The following TMEM184B variants were observed in gnomAD, a reference collection of about 807,000 sequenced individuals.
TMEM184B encodes transmembrane protein 184B, also known as putative MAPK-activating protein FM08.
TMEM184B carries 17 observed loss-of-function variants against 41.8 expected under a neutral mutation model. That is an observed-to-expected ratio of 0.41 (90% CI 0.28 to 0.61). The LOEUF is 0.61. Ranked by LOEUF, TMEM184B falls within the 20% of genes least tolerant of loss-of-function variation. The pLI is 0.34. For missense variants in TMEM184B, 393 were observed against 557.8 expected, an observed-to-expected ratio of 0.70 and a Z score of 2.98; for synonymous variants, 240 against 229.5, an observed-to-expected ratio of 1.05 and a Z score of -0.41.
chr22:38,234,283 G>A (rs537602494), intron 3 of TMEM184B, among the ~76,000 whole-genome samples: 1 of 152,250 alleles, frequency 6.6e-6, no homozygotes, highest in South Asian at 2.1e-4. Flanking sequence ...CCATGCAGCG[G>A]GGAAGCACGA....
At position 38,253,626 on chromosome 22, in the gene TMEM184B, T is replaced by C. The variant is rs149485411; in HGVS notation, c.-58-5607A>G. ...ACCTTAACATAAACCCTTACACATA[T>C]ACAAAAATTAATTCAAAATAAATCA... On this transcript the variant is annotated intron_variant, in intron 1 of 8. Transcript: ENST00000361906. 6.6e-3 allele frequency among the ~76,000 whole-genome samples: 1,002 copies of C among 152,172 alleles called. 13 individuals carry two copies. The highest frequency in any genetic ancestry group is 0.023 in the African/African-American group (958 of 41,502).
At chr22:38,237,262 C>A (rs1365052828) in intron 3 of TMEM184B, among the ~76,000 whole-genome samples, 1 of 152,232 alleles carries the variant, frequency 6.6e-6, no homozygotes, top group Non-Finnish European at 1.5e-5. Context: ...AAGACACTTA[C>A]CCCAAGAGCC....
intron 8 of TMEM184B, chr22:38,223,860 A>C (rs2091339507): frequency 6.6e-6 from 1 of 152,460 alleles, no homozygotes; most frequent in Non-Finnish European, 1.5e-5. Context: ...GGGCAGCAGC[A>C]CTTTCACATC....
intron 5 of TMEM184B, among the ~76,000 whole-genome samples, chr22:38,230,325 GC>G (rs1445857075): frequency 1.3e-5 from 2 of 152,240 alleles, no homozygotes; most frequent in Non-Finnish European, 2.9e-5. Context: ...AAACCCTCCT[GC>G]CCCCTAGCTG....
In TMEM184B at chr22:38,224,869, AGAT is replaced by A; in HGVS notation, c.895_897del (p.Ile299del). On this transcript the variant is annotated inframe_deletion, in exon 8 of 9. Coordinates refer to ENST00000361906, the MANE Select transcript of TMEM184B (RefSeq NM_012264.5). ...AGGGCTGCAAAGAACATCTCCACAC[AGAT>A]GATGAAGTCCTGGTAGCCGGCAGCC... 4 of 1,613,806 alleles carry A rather than the reference AGAT, an allele frequency of 2.5e-6. No individual in the cohort carries two copies. The highest frequency in any genetic ancestry group is 3.4e-6 in the Non-Finnish European group (4 of 1,179,982).
intron 1 of TMEM184B, among the ~76,000 whole-genome samples, chr22:38,252,229 T>G (rs962666472): frequency 2.6e-5 from 4 of 152,024 alleles, no homozygotes; most frequent in African/African-American, 9.7e-5. Flanking sequence ...CCAGCTAATT[T>G]TTGTATTTTT....
Position 38,251,213 on chromosome 22 carries a change from G to A in TMEM184B, c.-58-3194C>T, listed in dbSNP as rs780304303. Among the ~76,000 whole-genome samples the A allele has an allele frequency of 2.0e-5, 3 of 152,314 alleles. No homozygotes were observed. The East Asian group carries it at 5.8e-4, about 29-fold the overall frequency. Reference sequence around the variant, plus strand: ...ATGCTGGCCACGTTTCTGCACCGAGGCCAATTCATAAACAACTTATTTTAC... The same window carrying A: ...ATGCTGGCCACGTTTCTGCACCGAGACCAATTCATAAACAACTTATTTTAC... On this transcript the variant is annotated intron_variant, in intron 1 of 8. Coordinates refer to ENST00000361906, the MANE Select transcript of TMEM184B (RefSeq NM_012264.5).
intron 1 of TMEM184B, among the ~76,000 whole-genome samples, chr22:38,263,588 T>C (rs1175501993): frequency 2.0e-5 from 3 of 152,172 alleles, no homozygotes; most frequent in African/African-American, 7.2e-5. Flanking sequence ...TCCAATCTTT[T>C]GCTATTAAAA....
chr22:38,253,538 T>G (rs2092215148), intron 1 of TMEM184B, among the ~76,000 whole-genome samples: 1 of 152,020 alleles, frequency 6.6e-6, no homozygotes, highest in South Asian at 2.1e-4. Flanking sequence ...ACCACTGCAC[T>G]CCAGCCTGGG....
At chr22:38,267,435 C>CT (rs973916120) in intron 1 of TMEM184B, among the ~76,000 whole-genome samples, 3,368 of 139,994 alleles carry the variant, frequency 0.024, 102 homozygotes, top group African/African-American at 0.071. Context: ...CCCCTAATAT[C>CT]TTTTTTTTTT....
intron 1 of TMEM184B, among the ~76,000 whole-genome samples, chr22:38,259,777 G>C (rs1028748443): frequency 2.6e-5 from 4 of 152,114 alleles, no homozygotes; most frequent in East Asian, 1.9e-4. Flanking sequence ...TCTATAATTT[G>C]TGTTTGTTTT....
intron 1 of TMEM184B, among the ~76,000 whole-genome samples, chr22:38,263,907 C>A (rs764260932): frequency 6.6e-6 from 1 of 152,164 alleles, no homozygotes; most frequent in Non-Finnish European, 1.5e-5. Context: ...CAAGTTCAAG[C>A]GATTCTTCTG....
intron 1 of TMEM184B, among the ~76,000 whole-genome samples, chr22:38,261,294 C>T (rs988207875): frequency 6.6e-6 from 1 of 152,136 alleles, no homozygotes; most frequent in Non-Finnish European, 1.5e-5. Flanking sequence ...GCCTGGTGAG[C>T]CTTTTGAAAA....
intron 1 of TMEM184B, among the ~76,000 whole-genome samples, chr22:38,255,849 T>G (rs1238449490): frequency 6.6e-6 from 1 of 152,100 alleles, no homozygotes; most frequent in Non-Finnish European, 1.5e-5. Context: ...TGGAGCATGG[T>G]GTAGTAGTTG....
intron 8 of TMEM184B, chr22:38,222,689 A>T (rs1288142242): frequency 1.0e-6 from 1 of 985,532 alleles, no homozygotes; most frequent in Non-Finnish European, 1.2e-6. Flanking sequence ...CCCGGGCAAA[A>T]GCAGGGCAAG....
intron 3 of TMEM184B, among the ~76,000 whole-genome samples, chr22:38,238,227 CTTTTT>C (rs1029386970): frequency 7.3e-6 from 1 of 137,524 alleles, no homozygotes. Flanking sequence ...CTATCAACTT[CTTTTT>C]TTTTTTTTTT....
chr22:38,238,092 G>A lies in TMEM184B; in HGVS notation c.359-6758C>T, dbSNP rs535355571. On this transcript the variant is annotated intron_variant, in intron 3 of 8. Coordinates refer to ENST00000361906, the MANE Select transcript of TMEM184B (RefSeq NM_012264.5). Reference sequence around the variant, plus strand: ...TGGGATTACAGGTGTGAGCCACTGCGCCCAGCCCCCTCGCGGCTTTTTTAT... The same window carrying A: ...TGGGATTACAGGTGTGAGCCACTGCACCCAGCCCCCTCGCGGCTTTTTTAT... Among the ~76,000 whole-genome samples the A allele has an allele frequency of 4.0e-4, 61 of 151,992 alleles. No homozygotes were observed. In the South Asian group the frequency reaches 0.011, roughly 27 times the overall value.
At position 38,231,294 on chromosome 22, in the gene TMEM184B, G is replaced by A. The variant is rs1261159765; in HGVS notation, c.399C>T (p.Tyr133=). Residue 133 remains tyrosine, a synonymous_variant, in exon 4 of 9, where the codon TAC becomes TAT. Transcript: ENST00000361906. ...IYNFLSLCYE[Y]LGGESSIMSE... ...ACATGATGGAACTTTCTCCTCCTAG[G>A]TACTCATAGCACAGGCTCAGGAAAT... 7.4e-6 allele frequency: 12 copies of A among 1,614,020 alleles called. No homozygotes were observed. Among genetic ancestry groups the A allele is most frequent in the Non-Finnish European group, 9.3e-6 (11 of 1,180,028 alleles).
At chr22:38,247,414 C>T (rs41280829) in intron 2 of TMEM184B, among the ~76,000 whole-genome samples, 20,062 of 152,276 alleles carry the variant, frequency 0.13, 1,432 homozygotes, top group South Asian at 0.22. Flanking sequence ...AGCCACACGT[C>T]GGAACCTGCG....
Sources: gnomAD v4.1 joint callset for allele counts (sites outside exome capture counted in the v4.1 genomes callset) on GRCh38, gnomAD v4.1.1 for gene constraint, MANE v1.5 for transcripts, NCBI Gene and HGNC (gene_info 2026-07-23, HGNC 2026-07-21) for gene names.